The following ZNF280D variants were observed in gnomAD, a reference collection of about 807,000 sequenced individuals.
ZNF280D encodes the protein suppressor of hairy wing homolog 4.
In ZNF280D, 39 loss-of-function variants were observed where a neutral mutation model predicts 94.7. That is an observed-to-expected ratio of 0.41 (90% CI 0.32 to 0.54). The LOEUF (loss-of-function observed/expected upper bound fraction) is 0.54, where lower values mean the gene tolerates loss of function less well. ZNF280D is among the 20% of genes least tolerant of loss of function. The pLI is 0.22. For synonymous variants in ZNF280D, 398 were observed against 377.6 expected (o/e 1.05, Z -0.63); for missense variants, 1,090 against 1,149.3 (o/e 0.95, Z 0.75).
intron 1 of ZNF280D, among the ~76,000 whole-genome samples, chr15:56,731,791 T>C (rs1414378127): frequency 6.6e-6 from 1 of 152,190 alleles, no homozygotes; most frequent in Non-Finnish European, 1.5e-5. Flanking sequence ...AAGGTAGCGT[T>C]AAAACTAAGT....
intron 1 of ZNF280D, chr15:56,730,061 C>T (rs2058812387): frequency 6.6e-6 from 1 of 151,744 alleles, no homozygotes; most frequent in Non-Finnish European, 1.5e-5. Flanking sequence ...TACATAATAA[C>T]GTAAAATGCA....
rs751568330 is a variant in ZNF280D at position 56,677,555 on chromosome 15, C to T, written c.1263+19G>A. 6 of 1,551,074 alleles carry T rather than the reference C, an allele frequency of 3.9e-6. No individual in the cohort carries two copies. In the African/African-American group the frequency reaches 8.2e-5, roughly 21 times the overall value. Reference sequence around the variant, plus strand: ...CAAACAAACCAAACACTTAAAAAAACAATAAAATGTATGTGTACCTGGCAG... The same window carrying T: ...CAAACAAACCAAACACTTAAAAAAATAATAAAATGTATGTGTACCTGGCAG... On this transcript the variant is annotated intron_variant, in intron 12 of 21. Coordinates refer to ENST00000267807, the MANE Select transcript of ZNF280D (RefSeq NM_017661.4).
In ZNF280D at chr15:56,693,091, A is replaced by G; in HGVS notation, c.499+7T>C. Reference sequence around the variant, plus strand: ...ATAACCTTTATGAAAAAAATACTAAAACCAACCTGCCATAGAAAGTGTTGG... The same window carrying G: ...ATAACCTTTATGAAAAAAATACTAAGACCAACCTGCCATAGAAAGTGTTGG... On this transcript the variant is annotated splice_region_variant and intron_variant, in intron 7 of 21. Coordinates refer to ENST00000267807, the MANE Select transcript of ZNF280D (RefSeq NM_017661.4). 6.4e-7 allele frequency: 1 copy of G among 1,570,834 alleles called. No individual in the cohort carries two copies. The highest frequency in any genetic ancestry group is 8.7e-7 in the Non-Finnish European group (1 of 1,146,442).
intron 13 of ZNF280D, among the ~76,000 whole-genome samples, chr15:56,676,322 T>C (rs2055230053): frequency 6.6e-6 from 1 of 152,230 alleles, no homozygotes; most frequent in Non-Finnish European, 1.5e-5. Context: ...CATTATTCCC[T>C]TTGTCCTGAT....
At chr15:56,726,991 A>AT (rs1255047979) in intron 1 of ZNF280D, among the ~76,000 whole-genome samples, 1 of 152,144 alleles carries the variant, frequency 6.6e-6, no homozygotes, top group African/African-American at 2.4e-5. Context: ...CTTTTATACT[A>AT]TTTTAACCCC....
Position 56,699,626 on chromosome 15 carries a change from T to C in ZNF280D, c.381+1307A>G, listed in dbSNP as rs187773340. 293 of 874,134 alleles carry C rather than the reference T, an allele frequency of 3.4e-4. 1 individual carries two copies. The highest frequency in any genetic ancestry group is 3.6e-4 in the Non-Finnish European group (259 of 728,468). 54.1% of individuals were successfully genotyped at this position (874,134 alleles called of 1,614,324 possible). On this transcript the variant is annotated intron_variant, in intron 6 of 21. Coordinates refer to ENST00000267807, the MANE Select transcript of ZNF280D (RefSeq NM_017661.4). ...ATTTGTTTTCTTTTCTGGAGTGATA[T>C]TGTAAATACTTTAAAGATTTGTCAC...
intron 3 of ZNF280D, 28 bp downstream of exon 3, chr15:56,707,054 T>C: frequency 6.2e-7 from 1 of 1,609,130 alleles, no homozygotes; most frequent in Non-Finnish European, 8.5e-7. Context: ...CCACATATAT[T>C]AGTATTAGTT....
intron 7 of ZNF280D, 124 bp from the exon 8 acceptor site, chr15:56,689,594 T>C (rs1168969539): frequency 5.2e-6 from 3 of 574,502 alleles, no homozygotes; most frequent in Non-Finnish European, 8.1e-6. Context: ...ATGACAATAA[T>C]GATAAAACTT....
chr15:56,672,696 T>A (rs1204615427), intron 13 of ZNF280D, among the ~76,000 whole-genome samples: 7 of 151,930 alleles, frequency 4.6e-5, no homozygotes, highest in Non-Finnish European at 1.5e-5. Context: ...GCACAACCAA[T>A]TATTTATAAA....
intron 19 of ZNF280D, chr15:56,653,493 T>A (rs1413266631): frequency 6.6e-7 from 1 of 1,516,464 alleles, no homozygotes; most frequent in South Asian, 1.2e-5. Context: ...GTCAAATTAT[T>A]CACATTCCTT....
Position 56,683,909 on chromosome 15 carries a change from G to A in ZNF280D, c.781-1432C>T, listed in dbSNP as rs78633323. 9.3e-4 allele frequency among the ~76,000 whole-genome samples: 142 copies of A among 152,314 alleles called. 1 individual carries two copies. Among genetic ancestry groups the A allele is most frequent in the African/African-American group, 3.4e-3 (140 of 41,578 alleles). ...TCGGGCAGATGGCATTTAGCTAGAA[G>A]TAAACCAGAGAAGTAAAGGGGACCC... On this transcript the variant is annotated intron_variant, in intron 9 of 21. Coordinates refer to ENST00000267807, the MANE Select transcript of ZNF280D (RefSeq NM_017661.4).
At chr15:56,633,113 T>A (rs2052170880) in intron 21 of ZNF280D, among the ~76,000 whole-genome samples, 2 of 152,322 alleles carry the variant, frequency 1.3e-5, no homozygotes, top group South Asian at 2.1e-4. Context: ...GCTTATTTTA[T>A]GAAAATAAAT....
chr15:56,661,683 C>T lies in ZNF280D; in HGVS notation c.1995-3197G>A, dbSNP rs1340353964. Reference sequence around the variant, plus strand: ...TTAAAGATTTCATCTTTACCTCCTCCGTACTTTCATAGTCATTTGTTTATC... The same window carrying T: ...TTAAAGATTTCATCTTTACCTCCTCTGTACTTTCATAGTCATTTGTTTATC... On this transcript the variant is annotated intron_variant, in intron 16 of 21. Coordinates refer to ENST00000267807, the MANE Select transcript of ZNF280D (RefSeq NM_017661.4). 2.6e-5 allele frequency among the ~76,000 whole-genome samples: 4 copies of T among 152,108 alleles called. No homozygotes were observed. The East Asian group carries it at 5.8e-4, about 22-fold the overall frequency.
intron 4 of ZNF280D, among the ~76,000 whole-genome samples, chr15:56,702,290 G>A (rs1213437449): frequency 6.6e-6 from 1 of 152,112 alleles, no homozygotes; most frequent in Non-Finnish European, 1.5e-5. Flanking sequence ...AAGAGCTATT[G>A]CTGTAGTACT....
At position 56,636,646 on chromosome 15, in the gene ZNF280D, A is replaced by G. The variant is rs372978005; in HGVS notation, c.2260-1396T>C. Among the ~76,000 whole-genome samples the G allele has an allele frequency of 3.1e-4, 47 of 151,676 alleles. No individual in the cohort carries two copies. The South Asian group carries it at 7.9e-3, about 26-fold the overall frequency. ...TTACAGGTACCCACCACCATGCCCG[A>G]CTAATTTTTGTATTTTTAGTACAGA... is the stretch of plus-strand genomic sequence containing the variant. On this transcript the variant is annotated intron_variant, in intron 20 of 21. Coordinates refer to ENST00000267807, the MANE Select transcript of ZNF280D (RefSeq NM_017661.4).
intron 1 of ZNF280D, among the ~76,000 whole-genome samples, chr15:56,728,617 A>G (rs966064070): frequency 1.3e-5 from 2 of 152,208 alleles, no homozygotes; most frequent in Non-Finnish European, 2.9e-5. Context: ...TCAGGGAAGC[A>G]TTTGAAATTT....
intron 17 of ZNF280D, among the ~76,000 whole-genome samples, chr15:56,655,969 T>C (rs1427786608): frequency 1.3e-5 from 2 of 152,232 alleles, no homozygotes; most frequent in African/African-American, 4.8e-5. Flanking sequence ...TGAACTAGAA[T>C]GCCCCGTGCC....
intron 21 of ZNF280D, among the ~76,000 whole-genome samples, chr15:56,633,017 G>A (rs1409288529): frequency 3.3e-5 from 5 of 152,020 alleles, no homozygotes; most frequent in African/African-American, 4.8e-5. Context: ...GCCCTGAAGT[G>A]TTAACAGAAA....
intron 6 of ZNF280D, among the ~76,000 whole-genome samples, chr15:56,695,066 TTGTGTG>T (rs10563061): frequency 6.7e-5 from 10 of 150,292 alleles, no homozygotes; most frequent in East Asian, 3.9e-4. Flanking sequence ...TTCACTTCCT[TTGTGTG>T]TGTGTGTGTG....
Sources: gnomAD v4.1 joint callset for allele counts (sites outside exome capture counted in the v4.1 genomes callset) on GRCh38, gnomAD v4.1.1 for gene constraint, MANE v1.5 for transcripts, NCBI Gene and HGNC (gene_info 2026-07-23, HGNC 2026-07-21) for gene names.